PRAG1: variants seen among roughly 807,000 people sequenced by gnomAD.
PRAG1 encodes the protein PEAK1 related, kinase-activating pseudokinase 1.
PRAG1 carries 110 observed loss-of-function variants against 95.6 expected under a neutral mutation model. The ratio of observed to expected loss-of-function variants is 1.15; its 90% CI spans 0.99 to 1.35. PRAG1 has a LOEUF of 1.35. Ranked by LOEUF, PRAG1 falls within the 40% of genes most tolerant of loss-of-function variation. PRAG1 has a pLI of 0.00. For missense variants in PRAG1, 2,554 were observed against 1,864.7 expected (o/e 1.37, Z -6.81); for synonymous variants, 1,052 against 819.4 (o/e 1.28, Z -4.85).
chr8:8,350,920 ATGG>A (rs1799499474), intron 3 of PRAG1, among the ~76,000 whole-genome samples: 1 of 151,870 alleles, frequency 6.6e-6, no homozygotes. Context: ...GGATGGATGG[ATGG>A]ATGGATGGAT....
In PRAG1 at chr8:8,328,222, T is replaced by G. The variant is rs1398801371; in HGVS notation, c.2560A>C (p.Thr854Pro). ...SPKLNLSHSETNVHDESHFSY... is the reference protein window; with the variant it reads ...SPKLNLSHSEPNVHDESHFSY... The stretch of plus-strand genomic sequence containing the variant: ...AAGTGAGATTCGTCGTGGACGTTGG[T>G]TTCCGAGTGGCTTAGGTTCAGCTTG... Residue 854 changes from threonine (T) to proline (P), a missense_variant, in exon 5 of 6, where the codon ACC becomes CCC. Physicochemically the swap from Thr to Pro is conservative, Grantham distance 38. Transcript: ENST00000615670. The G allele has an allele frequency of 5.0e-6, 8 of 1,614,208 alleles. No homozygotes were observed. The highest frequency in any genetic ancestry group is 6.8e-6 in the Non-Finnish European group (8 of 1,180,032).
chr8:8,373,454 A>ATTGTTTTTTTTTTTT (rs1470559658), intron 3 of PRAG1, among the ~76,000 whole-genome samples: 10,698 of 134,548 alleles, frequency 0.08, 682 homozygotes, highest in South Asian at 0.12. Flanking sequence ...TATTTTCTAG[A>ATTGTTTTTTTTTTTT]TTTTTTTTTT....
chr8:8,380,942 A>G (rs1457024797), intron 2 of PRAG1, among the ~76,000 whole-genome samples: 1 of 150,516 alleles, frequency 6.6e-6, no homozygotes, highest in Non-Finnish European at 1.5e-5. Flanking sequence ...AAAGGTATTT[A>G]TTGAAATGAT....
intron 4 of PRAG1, among the ~76,000 whole-genome samples, chr8:8,337,632 T>C (rs1362402745): frequency 6.6e-6 from 1 of 152,200 alleles, no homozygotes; most frequent in Non-Finnish European, 1.5e-5. Context: ...GGTACATATC[T>C]TCTTGTTGGT....
At chr8:8,368,290 A>C (rs1800078049) in intron 3 of PRAG1, among the ~76,000 whole-genome samples, 1 of 152,232 alleles carries the variant, frequency 6.6e-6, no homozygotes, top group African/African-American at 2.4e-5. Context: ...TCTGCCTGTC[A>C]GAGAAGCACA....
At position 8,335,002 on chromosome 8, in the gene PRAG1, T is replaced by C. The variant is rs559772054; in HGVS notation, c.2320+4476A>G. On this transcript the variant is annotated intron_variant, in intron 4 of 5. Coordinates refer to ENST00000615670, the MANE Select transcript of PRAG1 (RefSeq NM_001080826.3). ...AGGAGAATTGTTTGAACCCTGGAGG[T>C]GGGGCTTGCAGTGAGCAGAGATTGT... Among the ~76,000 whole-genome samples, 55 of 150,996 alleles carry C rather than the reference T, an allele frequency of 3.6e-4. 1 individual carries two copies. The South Asian group carries it at 0.011, about 29-fold the overall frequency.
At chr8:8,380,852 C>CA (rs71217290) in intron 2 of PRAG1, among the ~76,000 whole-genome samples, 4,125 of 64,206 alleles carry the variant, frequency 0.064, 463 homozygotes, top group African/African-American at 0.17. Context: ...GACTCCATCT[C>CA]AAAAAAAAAA....
chr8:8,318,608 T>G lies in PRAG1; in HGVS notation c.3767A>C (p.Gln1256Pro). Residue 1256 changes from glutamine (Q) to proline (P), a missense_variant, in exon 6 of 6, where the codon CAG becomes CCG. By Grantham distance (76) the Gln-to-Pro change is moderately conservative. Transcript: ENST00000615670. This position sits in a 1 kb window ranked among gnomAD's most constrained non-coding sequence, Gnocchi z 4.2. ...CAGCTCGTAGATGAGGATGCCTGTC[T>G]GGAACTCATCGAACTTGCGGTACTG... ...ASQYRKFDEFQTGILIYELLH... is the reference protein window; with the variant it reads ...ASQYRKFDEFPTGILIYELLH... 6.2e-7 allele frequency: 1 copy of G among 1,612,844 alleles called. No homozygotes were observed. The highest frequency in any genetic ancestry group is 8.5e-7 in the Non-Finnish European group (1 of 1,179,856).
At position 8,381,688 on chromosome 8, in the gene PRAG1, A is replaced by C. The variant is rs766501517; in HGVS notation, c.60T>G (p.Phe20Leu). The C allele has an allele frequency of 3.1e-6, 5 of 1,612,636 alleles. No homozygotes were observed. In the Admixed American group the frequency reaches 8.3e-5, roughly 27 times the overall value. ...ACCCGGGTTTCCAGATGTGCTCCAC[A>C]AAGTCACTGCACGCAGACATTTTCA... Reference protein sequence around the residue: ...ESLKMSACSDFVEHIWKPGSC... With the variant: ...ESLKMSACSDLVEHIWKPGSC... The change falls in exon 2 of 6, where the codon TTT (phenylalanine) becomes TTG (leucine). Residue 20 changes from phenylalanine (F) to leucine (L), a missense_variant. Physicochemically the swap from Phe to Leu is conservative, Grantham distance 22. Transcript: ENST00000615670.
At chr8:8,375,392 C>A (rs190703592) in intron 3 of PRAG1, among the ~76,000 whole-genome samples, 3 of 151,878 alleles carry the variant, frequency 2.0e-5, no homozygotes, top group African/African-American at 7.3e-5. Flanking sequence ...TTAGTAGAGA[C>A]GGGGTTTCAC....
intron 5 of PRAG1, among the ~76,000 whole-genome samples, chr8:8,321,443 A>C (rs912225727): frequency 6.6e-6 from 1 of 152,208 alleles, no homozygotes; most frequent in Non-Finnish European, 1.5e-5. Context: ...GGAAATTTGC[A>C]GCAATGGTGG....
At chr8:8,368,355 A>T (rs1478578128) in intron 3 of PRAG1, among the ~76,000 whole-genome samples, 1 of 152,232 alleles carries the variant, frequency 6.6e-6, no homozygotes, top group African/African-American at 2.4e-5. Context: ...AATTTTACAG[A>T]GTTGTATGGG....
intron 1 of PRAG1, among the ~76,000 whole-genome samples, chr8:8,382,559 A>G (rs898780384): frequency 6.6e-6 from 1 of 152,246 alleles, no homozygotes; most frequent in Non-Finnish European, 1.5e-5. Context: ...AGACAAATTC[A>G]TGGTCAAAGG....
intron 3 of PRAG1, among the ~76,000 whole-genome samples, chr8:8,360,691 G>C (rs1799817134): frequency 6.6e-6 from 1 of 152,224 alleles, no homozygotes; most frequent in Non-Finnish European, 1.5e-5. Context: ...GGCTTTCTTG[G>C]TCTAAATCTG....
chr8:8,383,938 T>C (rs534993439), intron 1 of PRAG1, among the ~76,000 whole-genome samples: 1 of 152,330 alleles, frequency 6.6e-6, no homozygotes, highest in African/African-American at 2.4e-5. Context: ...AGTAGGTCCC[T>C]TCCTGGGACG....
intron 5 of PRAG1, among the ~76,000 whole-genome samples, chr8:8,323,577 G>A (rs1206304787): frequency 2.0e-5 from 3 of 152,082 alleles, no homozygotes; most frequent in African/African-American, 4.8e-5. Context: ...ACCTGCCTTG[G>A]CCTCCCAAAG....
intron 3 of PRAG1, among the ~76,000 whole-genome samples, chr8:8,350,351 A>T (rs573471920): frequency 1.3e-5 from 2 of 152,334 alleles, no homozygotes; most frequent in South Asian, 4.1e-4. Flanking sequence ...ACCCCTGTAC[A>T]CTACACTTTC....
chr8:8,353,578 G>C (rs1253197624), intron 3 of PRAG1, among the ~76,000 whole-genome samples: 1 of 152,086 alleles, frequency 6.6e-6, no homozygotes, highest in Non-Finnish European at 1.5e-5. Flanking sequence ...AAATTTTATA[G>C]CAATAAATGC....
Position 8,378,071 on chromosome 8 carries a change from C to T in PRAG1, c.338G>A (p.Trp113Ter), listed in dbSNP as rs1800495101. 6.5e-7 allele frequency: 1 copy of T among 1,533,848 alleles called. No homozygotes were observed. The highest frequency in any genetic ancestry group is 8.8e-7 in the Non-Finnish European group (1 of 1,142,826). ...GGGGAGCTTGCCAGGGGCTCGTCTC[C>T]AGATGACCTACACACAAGCCCAACG... Reference protein sequence around the residue: ...NLSAEVSQVIWRRAPGKLPLP... With the variant: ...NLSAEVSQVI The change falls in exon 3 of 6, where the codon TGG (tryptophan) becomes TAG (stop). Residue 113 changes from tryptophan (W) to a stop codon, truncating the protein, a stop_gained. Transcript: ENST00000615670. LOFTEE classifies it high-confidence loss of function.
Sources: allele counts gnomAD v4.1 joint callset (sites outside exome capture counted in the v4.1 genomes callset), GRCh38; gene constraint gnomAD v4.1.1; non-coding constraint Gnocchi (gnomAD v3.1); transcripts MANE v1.5; gene names NCBI Gene and HGNC (gene_info 2026-07-23, HGNC 2026-07-21).